Variants in IST1 observed in about 807,000 individuals in gnomAD.
IST1 encodes the protein IST1 factor associated with ESCRT-III.
In IST1, 23 loss-of-function variants were observed where a neutral mutation model predicts 37.0. That is an observed-to-expected ratio of 0.62 (90% confidence interval 0.45 to 0.88). IST1 has a LOEUF of 0.88. Ranked by LOEUF, IST1 falls within the 40% of genes least tolerant of loss-of-function variation. The pLI is 0.00. For missense variants in IST1, 488 were observed against 445.4 expected (o/e 1.10, Z -0.86); for synonymous variants, 180 against 161.7 (o/e 1.11, Z -0.86).
At position 71,930,213 on chromosome 16, in the gene IST1, A is replaced by G; in HGVS notation, c.*2400A>G. On this transcript the variant is annotated 3_prime_UTR_variant, in exon 10 of 10. Transcript: ENST00000378799. The stretch of plus-strand genomic sequence containing the variant: ...GAAAACAATAAGAACACTTGCAGTG[A>G]CTGACAATTTAGTTTATACTTTACA... The G allele has an allele frequency of 2.6e-6, 4 of 1,520,140 alleles. No individual in the cohort carries two copies. Among genetic ancestry groups the G allele is most frequent in the Non-Finnish European group, 3.5e-6 (4 of 1,132,268 alleles). 94.2% of individuals were successfully genotyped at this position (1,520,140 alleles called of 1,614,324 possible).
intron 1 of IST1, among the ~76,000 whole-genome samples, chr16:71,900,327 CTTTTTTTTTTT>C (rs201344260): frequency 7.2e-4 from 72 of 100,510 alleles, no homozygotes; most frequent in South Asian, 2.4e-3. Context: ...CTTAGGAAGT[CTTTTTTTTTTT>C]TTTTTTTTTT....
chr16:71,906,956 G>C (rs1482959208), intron 1 of IST1, among the ~76,000 whole-genome samples: 1 of 152,100 alleles, frequency 6.6e-6, no homozygotes, highest in Non-Finnish European at 1.5e-5. Flanking sequence ...CTTGAACCTG[G>C]AAGGCAGAAG....
upstream of IST1, chr16:71,894,964 C>A (rs970191134): frequency 1.2e-6 from 1 of 823,454 alleles, no homozygotes. Context: ...CAGACCGGAG[C>A]GATGCTGGTC....
rs772014798 is a variant in IST1, at chr16:71,922,529, A to G, written c.608A>G (p.Asp203Gly). The G allele has an allele frequency of 5.0e-6, 8 of 1,614,122 alleles. No homozygotes were observed. The highest frequency in any genetic ancestry group is 5.1e-6 in the Non-Finnish European group (6 of 1,179,984). Residue 203 changes from aspartate (D) to glycine (G), a missense_variant, in exon 7 of 10, where the codon GAT becomes GGT. Asp to Gly is a moderately conservative substitution (Grantham distance 94, BLOSUM62 -1). This residue lies in a region of IST1 where 455 missense variants were observed against 386.2 expected (regional missense o/e 1.18). Transcript: ENST00000378799. Reference protein sequence around the residue: ...TDLIDVGFTDDVKKGGPGRGG... With the variant: ...TDLIDVGFTDGVKKGGPGRGG... The stretch of plus-strand genomic sequence containing the variant: ...CTTATTGATGTTGGATTCACAGATG[A>G]TGTGAAGAAAGGAGGCCCTGGAAGA...
intron 1 of IST1, among the ~76,000 whole-genome samples, chr16:71,910,840 G>C (rs1033142589): frequency 6.6e-6 from 1 of 152,022 alleles, no homozygotes; most frequent in Admixed American, 6.6e-5. Flanking sequence ...AAATACTGAG[G>C]CTTCCCTTCA....
chr16:71,909,095 CTTTTTT>C lies in IST1; in HGVS notation c.-15-6516_-15-6511del, dbSNP rs34086105. ...CATGTTTTTGTCAAATTTTGTTTGT[CTTTTTT>C]TTTTTTTTTTTTTTGGATACAGGGT... On this transcript the variant is annotated intron_variant, in intron 1 of 9. Transcript: ENST00000378799. 1.5e-4 allele frequency among the ~76,000 whole-genome samples: 15 copies of C among 102,944 alleles called. No individual in the cohort carries two copies. In the East Asian group the frequency reaches 3.2e-3, roughly 22 times the overall value. 67.5% of individuals were successfully genotyped at this position (102,944 alleles called of 152,430 possible). A position where few individuals can be genotyped will look rare whatever the true frequency, so the allele number is the denominator to read the frequency against.
intron 1 of IST1, among the ~76,000 whole-genome samples, chr16:71,901,533 G>A (rs1257949790): frequency 6.6e-6 from 1 of 152,076 alleles, no homozygotes; most frequent in Non-Finnish European, 1.5e-5. Flanking sequence ...CTTTAAATTC[G>A]TTTTTAGTCT....
chr16:71,895,470 CTA>C (rs1262283157), upstream of IST1: 3 of 971,362 alleles, frequency 3.1e-6, no homozygotes, highest in Non-Finnish European at 3.7e-6. Flanking sequence ...GAGGGCGTGG[CTA>C]TATCGGCCCC....
chr16:71,902,569 C>T (rs1410455714), intron 1 of IST1, among the ~76,000 whole-genome samples: 1 of 152,136 alleles, frequency 6.6e-6, no homozygotes, highest in African/African-American at 2.4e-5. Flanking sequence ...CGCGCCCAGC[C>T]TAGATTCAAT....
chr16:71,927,957 C>T lies in IST1; in HGVS notation c.*144C>T, dbSNP rs749040987. On this transcript the variant is annotated 3_prime_UTR_variant, in exon 10 of 10. Coordinates refer to ENST00000378799, the MANE Select transcript of IST1 (RefSeq NM_001270975.2). ...CCCTCTGGGCTCTCTTCCTGCTCCT[C>T]CAGATTCTGCTGCTTTCCAGTTCTC... is the stretch of plus-strand genomic sequence containing the variant. 1.6e-5 allele frequency: 10 copies of T among 637,722 alleles called. No individual in the cohort carries two copies. Among genetic ancestry groups the T allele is most frequent in the Non-Finnish European group, 2.5e-5 (9 of 361,820 alleles). 39.5% of individuals were successfully genotyped at this position (637,722 alleles called of 1,614,324 possible). A position where few individuals can be genotyped will look rare whatever the true frequency, so the allele number is the denominator to read the frequency against.
At chr16:71,904,246 C>T (rs1227612813) in intron 1 of IST1, among the ~76,000 whole-genome samples, 7 of 152,216 alleles carry the variant, frequency 4.6e-5, no homozygotes, top group Non-Finnish European at 2.9e-5. Flanking sequence ...GCCTCAGCCT[C>T]CCAAGTAGCT....
chr16:71,913,786 C>G (rs938291798), intron 1 of IST1, among the ~76,000 whole-genome samples: 1 of 152,114 alleles, frequency 6.6e-6, no homozygotes, highest in African/African-American at 2.4e-5. Context: ...CAGACATAAG[C>G]CACCACACTC....
At position 71,929,948 on chromosome 16, in the gene IST1, A is replaced by C. The variant is rs1280398606; in HGVS notation, c.*2135A>C. 1.8e-5 allele frequency: 24 copies of C among 1,317,420 alleles called. No individual in the cohort carries two copies. In the East Asian group the frequency reaches 5.8e-4, roughly 32 times the overall value. 81.6% of individuals were successfully genotyped at this position (1,317,420 alleles called of 1,614,324 possible). A position where few individuals can be genotyped will look rare whatever the true frequency, so the allele number is the denominator to read the frequency against. On this transcript the variant is annotated 3_prime_UTR_variant, in exon 10 of 10. Coordinates refer to ENST00000378799, the MANE Select transcript of IST1 (RefSeq NM_001270975.2). Reference sequence around the variant, plus strand: ...TTTTGAAACTAATAAAGGGAATATGATACTGTGCATTATAAATTATGTCAG... The same window carrying C: ...TTTTGAAACTAATAAAGGGAATATGCTACTGTGCATTATAAATTATGTCAG...
chr16:71,910,763 A>G (rs8051461), intron 1 of IST1, among the ~76,000 whole-genome samples: 9 of 152,132 alleles, frequency 5.9e-5, no homozygotes, highest in African/African-American at 1.7e-4. Context: ...ATTAATAGAA[A>G]TATTCTTACT....
rs1567471235 is a variant in IST1 at position 71,920,832 on chromosome 16, ATACT to A, written c.441+12_441+15del. 1 of 1,592,720 alleles carries A rather than the reference ATACT, an allele frequency of 6.3e-7. No homozygotes were observed. Among genetic ancestry groups the A allele is most frequent in the Non-Finnish European group, 8.6e-7 (1 of 1,160,558 alleles). ...AACTGTGAATGACAGGGTAATGAAC[ATACT>A]TGGTAAACATGAAGGCAGTGTGTGG... On this transcript the variant is annotated intron_variant, in intron 5 of 9. Transcript: ENST00000378799.
chr16:71,918,137 C>T (rs554572574), intron 4 of IST1, among the ~76,000 whole-genome samples: 4 of 152,258 alleles, frequency 2.6e-5, no homozygotes, highest in South Asian at 2.1e-4. Context: ...GTCGTTTTCT[C>T]CAGAATCCTC....
At chr16:71,894,722 G>A (rs951713499), upstream of IST1, 5 of 450,228 alleles carry the variant, frequency 1.1e-5, no homozygotes, top group Middle Eastern at 3.8e-4. Context: ...TTTTTGTAGC[G>A]ATGCGGTTTC....
In IST1 at chr16:71,915,740, A is replaced by G. The variant is rs1206423373; in HGVS notation, c.88+12A>G. On this transcript the variant is annotated intron_variant, in intron 2 of 9. Transcript: ENST00000378799. Reference sequence around the variant, plus strand: ...GGAGAAAAAGAAAAGTGAGTAGTGTACTTTTTTTCCCCAAAAATAAATCAC... The same window carrying G: ...GGAGAAAAAGAAAAGTGAGTAGTGTGCTTTTTTTCCCCAAAAATAAATCAC... 1.9e-6 allele frequency: 3 copies of G among 1,555,916 alleles called. No homozygotes were observed. The highest frequency in any genetic ancestry group is 2.7e-6 in the Non-Finnish European group (3 of 1,129,846).
chr16:71,913,023 C>T (rs976611673), intron 1 of IST1, among the ~76,000 whole-genome samples: 2 of 152,304 alleles, frequency 1.3e-5, no homozygotes, highest in African/African-American at 4.8e-5. Context: ...TTTGGGTTGC[C>T]TCCACCTCTT....
Sources: gnomAD v4.1 joint callset for allele counts (sites outside exome capture counted in the v4.1 genomes callset) on GRCh38, gnomAD v4.1.1 for gene constraint, gnomAD v4.1.1 regional missense constraint, MANE v1.5 for transcripts, NCBI Gene and HGNC (gene_info 2026-07-23, HGNC 2026-07-21) for gene names.